Variants in TEDC2 observed in about 807,000 individuals in gnomAD.
TEDC2 encodes the protein tubulin epsilon and delta complex 2, also known as tubulin epsilon and delta complex protein 2.
In TEDC2, 49 loss-of-function variants were observed where a neutral mutation model predicts 48.1. That is an observed-to-expected ratio of 1.02 (90% CI 0.81 to 1.29). The LOEUF (loss-of-function observed/expected upper bound fraction) is 1.29, where lower values mean the gene tolerates loss of function less well. TEDC2 is among the 50% of genes most tolerant of loss of function. The pLI is 0.00. For missense variants in TEDC2, 631 were observed against 571.4 expected, an observed-to-expected ratio of 1.10 and a Z score of -1.06; for synonymous variants, 299 against 247.1, an observed-to-expected ratio of 1.21 and a Z score of -1.97.
chr16:2,462,671 G>C lies in TEDC2; in HGVS notation c.903G>C (p.Thr301=), dbSNP rs775311535. Residue 301 remains threonine (T), a synonymous_variant, in exon 8 of 10, where the codon ACG becomes ACC. Transcript: ENST00000361837. ...TGCAGGAGTACCGCTGCCTGCTCAC[G>C]CTGGAGGGGCTGCAGGCCATGGTGG... The part of the protein sequence containing the change: ...DWMQEYRCLL[T]LEGLQAMVGQ... 2 of 1,546,896 alleles carry C rather than the reference G, an allele frequency of 1.3e-6. No individual in the cohort carries two copies. Among genetic ancestry groups the C allele is most frequent in the Middle Eastern group, 1.9e-4 (1 of 5,184 alleles).
intron 8 of TEDC2, 32 bp downstream of exon 8, chr16:2,462,764 C>G (rs751751884): frequency 2.0e-6 from 3 of 1,514,080 alleles, no homozygotes; most frequent in South Asian, 2.5e-5. Flanking sequence ...GCCACCTGCA[C>G]TGAGGTCTGG....
intron 1 of TEDC2, 27 bp from the exon 2 acceptor site, chr16:2,460,256 G>C (rs902293539): frequency 5.9e-6 from 9 of 1,513,832 alleles, no homozygotes; most frequent in African/African-American, 2.9e-5. Context: ...GCTGGCCGAG[G>C]TGCTGAGCCG....
chr16:2,464,313 C>T (rs566488415), intron 9 of TEDC2, 84 bp downstream of exon 9: 19 of 1,494,956 alleles, frequency 1.3e-5, no homozygotes, highest in Non-Finnish European at 1.6e-5. Context: ...GCTCCACCCC[C>T]CAGGACCCAG....
rs145067730 is a variant in TEDC2, at chr16:2,461,236, G to C, written c.605+12G>C. ...CTCAAGGAGAAGGGGTAGGTTTCCC[G>C]GACCCTCACTGGAGGGACTTCTGTC... On this transcript the variant is annotated intron_variant, in intron 4 of 9. Coordinates refer to ENST00000361837, the MANE Select transcript of TEDC2 (RefSeq NM_025108.3). 4 of 1,451,428 alleles carry C rather than the reference G, an allele frequency of 2.8e-6. No individual in the cohort carries two copies. Among genetic ancestry groups the C allele is most frequent in the Non-Finnish European group, 2.7e-6 (3 of 1,099,094 alleles). 89.9% of individuals were successfully genotyped at this position (1,451,428 alleles called of 1,614,324 possible). A position where few individuals can be genotyped will look rare whatever the true frequency, so the allele number is the denominator to read the frequency against.
At chr16:2,460,450 G>A (rs2065458714) in intron 2 of TEDC2, 69 bp downstream of exon 2, 2 of 1,521,782 alleles carry the variant, frequency 1.3e-6, no homozygotes, top group African/African-American at 1.4e-5. Flanking sequence ...GAGCGCCCAG[G>A]GCTGGGAGAC....
rs748988498 is a variant in TEDC2, at chr16:2,461,768, G to A, written c.627G>A (p.Ala209=). The part of the protein sequence containing the change: ...KEKGHLLRLP[A]AFRKAASQNS... ...ACAGGCACCTGCTGCGGCTGCCTGCGGCATTCAGGAAAGCAGCTTCCCAGA... is the reference window on the plus strand; with the variant it reads ...ACAGGCACCTGCTGCGGCTGCCTGCAGCATTCAGGAAAGCAGCTTCCCAGA... The change falls in exon 5 of 10, where the codon GCG becomes GCA. Residue 209 remains alanine, a synonymous_variant. Transcript: ENST00000361837. 9 of 1,613,202 alleles carry A rather than the reference G, an allele frequency of 5.6e-6. No homozygotes were observed. In the African/African-American group the frequency reaches 8.0e-5, roughly 14 times the overall value.
At position 2,464,036 on chromosome 16, in the gene TEDC2, C is replaced by T. The variant is rs774351716; in HGVS notation, c.965-3C>T. The T allele has an allele frequency of 9.3e-6, 15 of 1,611,344 alleles. No homozygotes were observed. The South Asian group carries it at 1.6e-4, about 18-fold the overall frequency. ...CAAAGGCCACATTCTCCTGTGCACA[C>T]AGCGGTGGCGGAACAGCCACCAAGA... On this transcript the variant is annotated splice_region_variant and splice_polypyrimidine_tract_variant and intron_variant, in intron 8 of 9. Coordinates refer to ENST00000361837, the MANE Select transcript of TEDC2 (RefSeq NM_025108.3).
chr16:2,461,011 G>T lies in TEDC2; in HGVS notation c.392G>T (p.Gly131Val). The part of the protein sequence containing the change: ...APPHSPGQAG[G>V]HASDTRPTKG... The stretch of plus-strand genomic sequence containing the variant: ...CCGCATTCCCCAGGCCAAGCTGGTG[G>T]CCATGCTTCAGACACGAGACCCACC... Residue 131 changes from glycine to valine, a missense_variant, in exon 4 of 10, where the codon GGC becomes GTC. Gly to Val is a moderately radical substitution (Grantham distance 109, BLOSUM62 -3). Transcript: ENST00000361837. 1 of 1,612,874 alleles carries T rather than the reference G, an allele frequency of 6.2e-7. No individual in the cohort carries two copies. The highest frequency in any genetic ancestry group is 1.1e-5 in the South Asian group (1 of 91,076).
rs749451532 is a variant in TEDC2 at position 2,464,543 on chromosome 16, C to T, written c.1177C>T (p.Pro393Ser). The change falls in exon 10 of 10, where the codon CCC (proline) becomes TCC (serine). Residue 393 changes from proline to serine, a missense_variant. Coordinates refer to ENST00000361837, the MANE Select transcript of TEDC2 (RefSeq NM_025108.3). The part of the protein sequence containing the change: ...LEKVLMAELL[P>S]LVSAAQPQGP... ...CCAGGTCCTGATGGCTGAACTCCTC[C>T]CCCTGGTAAGCGCTGCACAGCCGCA... 2.5e-6 allele frequency: 4 copies of T among 1,583,396 alleles called. No homozygotes were observed. Among genetic ancestry groups the T allele is most frequent in the Non-Finnish European group, 3.4e-6 (4 of 1,170,772 alleles).
At position 2,462,668 on chromosome 16, in the gene TEDC2, C is replaced by G; in HGVS notation, c.900C>G (p.Leu300=). ...GGATGCAGGAGTACCGCTGCCTGCT[C>G]ACGCTGGAGGGGCTGCAGGCCATGG... is the stretch of plus-strand genomic sequence containing the variant. The part of the protein sequence containing the change: ...MDWMQEYRCL[L]TLEGLQAMVG... The change falls in exon 8 of 10, where the codon CTC becomes CTG. Residue 300 remains leucine, a synonymous_variant. Transcript: ENST00000361837. The G allele has an allele frequency of 6.5e-7, 1 of 1,547,762 alleles. No individual in the cohort carries two copies. Among genetic ancestry groups the G allele is most frequent in the Non-Finnish European group, 8.7e-7 (1 of 1,147,332 alleles).
chr16:2,463,114 G>A (rs2065477640), intron 8 of TEDC2, among the ~76,000 whole-genome samples: 2 of 152,040 alleles, frequency 1.3e-5, no homozygotes, highest in African/African-American at 4.8e-5. Flanking sequence ...GAGGTCAGGA[G>A]ATCAAGACCA....
chr16:2,464,787 G>A lies in TEDC2; in HGVS notation c.*119G>A, dbSNP rs948597436. ...CTGGGAAACCTGGTGAACTGGACCA[G>A]GTGGCCTCACTGGCTCTTCTCAGGA... is the stretch of plus-strand genomic sequence containing the variant. On this transcript the variant is annotated 3_prime_UTR_variant, in exon 10 of 10. Coordinates refer to ENST00000361837, the MANE Select transcript of TEDC2 (RefSeq NM_025108.3). The A allele has an allele frequency of 1.1e-5, 15 of 1,408,902 alleles. No homozygotes were observed. The highest frequency in any genetic ancestry group is 1.3e-5 in the Non-Finnish European group (14 of 1,037,218). The allele number at this position is 1,408,902 out of a possible 1,614,324, so 87.3% of individuals were successfully genotyped here.
chr16:2,461,959 C>T (rs1012718694), intron 5 of TEDC2, among the ~76,000 whole-genome samples, 159 bp downstream of exon 5: 5 of 152,184 alleles, frequency 3.3e-5, no homozygotes, highest in African/African-American at 9.7e-5. Context: ...TCAGCTTTGT[C>T]CCCTTGTCCT....
intron 7 of TEDC2, 37 bp downstream of exon 7, chr16:2,462,563 G>C (rs540960740): frequency 6.4e-7 from 1 of 1,567,526 alleles, no homozygotes; most frequent in East Asian, 2.3e-5. Context: ...GAGGAGTGTG[G>C]AGGGCCAGTG....
rs549685556 is a variant in TEDC2 at position 2,462,499 on chromosome 16, C to G, written c.835C>G (p.Leu279Val). 10 of 1,607,674 alleles carry G rather than the reference C, an allele frequency of 6.2e-6. No homozygotes were observed. Among genetic ancestry groups the G allele is most frequent in the Non-Finnish European group, 7.6e-6 (9 of 1,177,526 alleles). The change falls in exon 7 of 10, where the codon CTG (leucine) becomes GTG (valine). Residue 279 changes from leucine (L) to valine (V), a missense_variant. Transcript: ENST00000361837. Reference sequence around the variant, plus strand: ...GCGGAAGGCCTGCTCGCTGCTGAGACTGCGCATGAGGGAGGAGCTCTCGGC... The same window carrying G: ...GCGGAAGGCCTGCTCGCTGCTGAGAGTGCGCATGAGGGAGGAGCTCTCGGC... ...RLRKACSLLR[L>V]RMREELSAAP...
chr16:2,460,334 G>A lies in TEDC2; in HGVS notation c.78G>A (p.Leu26=). ...TGGACGCCTGCGCACAGCGACAATT[G>A]CAATTGGAGCAGAGCCTGCGCGTTT... The part of the protein sequence containing the change: ...GALDACAQRQ[L]QLEQSLRVCR... The change falls in exon 2 of 10, where the codon TTG becomes TTA. Residue 26 remains leucine, a synonymous_variant. Coordinates refer to ENST00000361837, the MANE Select transcript of TEDC2 (RefSeq NM_025108.3). 1 of 1,541,094 alleles carries A rather than the reference G, an allele frequency of 6.5e-7. No homozygotes were observed. Among genetic ancestry groups the A allele is most frequent in the Non-Finnish European group, 8.7e-7 (1 of 1,145,346 alleles).
chr16:2,463,393 A>C (rs939515531), intron 8 of TEDC2, among the ~76,000 whole-genome samples: 1 of 152,108 alleles, frequency 6.6e-6, no homozygotes, highest in Non-Finnish European at 1.5e-5. Flanking sequence ...TTGGGAGGCC[A>C]AGGCAGGCGG....
chr16:2,460,736 T>C, intron 3 of TEDC2, 43 bp downstream of exon 3: 1 of 1,612,446 alleles, frequency 6.2e-7, no homozygotes. Context: ...TGCTCTGGCC[T>C]GTCTGCTGGC....
rs1207877540 is a variant in TEDC2 at position 2,464,515 on chromosome 16, C to T, written c.1156-7C>T. ...GAGACCTTGGCCCTGCCCTGCCCTG[C>T]CCCCAGGTCCTGATGGCTGAACTCC... is the stretch of plus-strand genomic sequence containing the variant. On this transcript the variant is annotated splice_region_variant and splice_polypyrimidine_tract_variant and intron_variant, in intron 9 of 9. Coordinates refer to ENST00000361837, the MANE Select transcript of TEDC2 (RefSeq NM_025108.3). 1.3e-6 allele frequency: 2 copies of T among 1,556,564 alleles called. No homozygotes were observed. The highest frequency in any genetic ancestry group is 1.7e-6 in the Non-Finnish European group (2 of 1,159,696).
Sources: gnomAD v4.1 joint callset for allele counts (sites outside exome capture counted in the v4.1 genomes callset) on GRCh38, gnomAD v4.1.1 for gene constraint, MANE v1.5 for transcripts, NCBI Gene and HGNC (gene_info 2026-07-23, HGNC 2026-07-21) for gene names.